The following SLC22A16 variants were observed in gnomAD, a reference collection of about 807,000 sequenced individuals.
The protein encoded by SLC22A16 is WUGSC:RG331P03.1.
SLC22A16 carries 53 observed loss-of-function variants against 52.9 expected under a neutral mutation model. That is an observed-to-expected ratio of 1.00 (90% CI 0.80 to 1.26). SLC22A16 has a LOEUF of 1.26. Ranked by LOEUF, SLC22A16 falls within the 50% of genes most tolerant of loss-of-function variation. The probability of loss-of-function intolerance (pLI) is 0.00; values close to 1 mark genes in which losing one functional copy is unlikely to be tolerated. For synonymous variants in SLC22A16, 291 were observed against 268.8 expected (o/e 1.08, Z -0.81); for missense variants, 726 against 704.0 (o/e 1.03, Z -0.35).
intron 3 of SLC22A16, among the ~76,000 whole-genome samples, chr6:110,444,841 G>A (rs1385703779): frequency 6.6e-6 from 1 of 152,194 alleles, no homozygotes; most frequent in African/African-American, 2.4e-5. Context: ...GGTAAGCGCT[G>A]CTGTTACATT....
rs1775677536 is a variant in SLC22A16, at chr6:110,456,826, T to C, written c.245A>G (p.Gln82Arg). The C allele has an allele frequency of 6.2e-7, 1 of 1,614,072 alleles. No homozygotes were observed. The highest frequency in any genetic ancestry group is 1.3e-5 in the African/African-American group (1 of 74,914). The change falls in exon 2 of 8, where the codon CAG (glutamine) becomes CGG (arginine). Residue 82 changes from glutamine (Q) to arginine (R), a missense_variant. By Grantham distance (43) the Gln-to-Arg change is conservative. Transcript: ENST00000368919. ...EDTGALLSSG[Q>R]KDYVTVQLQN... The stretch of plus-strand genomic sequence containing the variant: ...CAACTGCACCGTAACATAATCTTTC[T>C]GGCCTGAAGACAACAGGGCCCCGGT...
At chr6:110,458,984 C>G (rs942226652) in intron 1 of SLC22A16, among the ~76,000 whole-genome samples, 1 of 151,830 alleles carries the variant, frequency 6.6e-6, no homozygotes, top group South Asian at 2.1e-4. Flanking sequence ...TAATAAGTCT[C>G]ATATATGTGT....
intron 2 of SLC22A16, among the ~76,000 whole-genome samples, chr6:110,450,207 T>C (rs1484293910): frequency 2.0e-5 from 3 of 152,206 alleles, no homozygotes; most frequent in Admixed American, 2.0e-4. Flanking sequence ...GGCACAATAG[T>C]GTCTATCTCA....
intron 3 of SLC22A16, 68 bp from the exon 4 acceptor site, chr6:110,442,843 T>C (rs76453570): frequency 9.8e-6 from 14 of 1,434,756 alleles, no homozygotes; most frequent in East Asian, 6.9e-5. Flanking sequence ...TCTGACCCCA[T>C]TGCAAATCAC....
chr6:110,465,617 A>T (rs1408120446), intron 1 of SLC22A16, among the ~76,000 whole-genome samples: 1 of 152,176 alleles, frequency 6.6e-6, no homozygotes, highest in East Asian at 1.9e-4. Flanking sequence ...AGAACTACAA[A>T]ACACTAATGA....
chr6:110,427,843 A>G (rs1774330148), intron 7 of SLC22A16, among the ~76,000 whole-genome samples: 1 of 152,202 alleles, frequency 6.6e-6, no homozygotes, highest in African/African-American at 2.4e-5. Context: ...TGTATCTTTT[A>G]AATCACCATA....
At position 110,456,981 on chromosome 6, in the gene SLC22A16, C is replaced by A. The variant is rs1775686807; in HGVS notation, c.90G>T (p.Gln30His). Residue 30 changes from glutamine (Q) to histidine (H), a missense_variant, in exon 2 of 8, where the codon CAG becomes CAT. Gln to His is a conservative substitution (Grantham distance 24). Transcript: ENST00000368919. ...QRVLYFICAFQNISCGIHYLA... is the reference protein window; with the variant it reads ...QRVLYFICAFHNISCGIHYLA... ...AGTAGTGAATACCACAAGAGATGTT[C>A]TGGAAGGCACATATGAAATAGAGGA... 6.4e-7 allele frequency: 1 copy of A among 1,560,740 alleles called. No homozygotes were observed. Among genetic ancestry groups the A allele is most frequent in the Non-Finnish European group, 8.7e-7 (1 of 1,155,618 alleles).
intron 6 of SLC22A16, among the ~76,000 whole-genome samples, chr6:110,433,688 C>T (rs1009587390): frequency 6.6e-6 from 1 of 152,130 alleles, no homozygotes; most frequent in Non-Finnish European, 1.5e-5. Flanking sequence ...TTATTTGTTG[C>T]CATTAAGATT....
At chr6:110,438,921 C>T in intron 4 of SLC22A16, 74 bp from the exon 5 acceptor site, 1 of 1,581,696 alleles carries the variant, frequency 6.3e-7, no homozygotes. Context: ...TTCTAACCCA[C>T]TACCCAAAAG....
intron 6 of SLC22A16, among the ~76,000 whole-genome samples, chr6:110,434,693 G>A (rs1774648891): frequency 6.6e-6 from 1 of 152,126 alleles, no homozygotes; most frequent in Non-Finnish European, 1.5e-5. Flanking sequence ...AAAATCCCGA[G>A]TCTCGGCTAG....
rs965697077 is a variant in SLC22A16, at chr6:110,429,244, C to G, written c.1521+1927G>C. Among the ~76,000 whole-genome samples the G allele has an allele frequency of 1.8e-4, 28 of 152,196 alleles. 1 individual carries two copies. The highest frequency in any genetic ancestry group is 6.3e-4 in the African/African-American group (26 of 41,438). ...AGACTCCCCCAAAACACCTCCCACA[C>G]AGCCCACATGGTTTCTTAACCTCAG... is the stretch of plus-strand genomic sequence containing the variant. On this transcript the variant is annotated intron_variant, in intron 7 of 7. Transcript: ENST00000368919.
chr6:110,441,063 C>A (rs1416812708), intron 4 of SLC22A16, among the ~76,000 whole-genome samples: 4 of 152,076 alleles, frequency 2.6e-5, no homozygotes, highest in African/African-American at 9.7e-5. Context: ...GGGCACAAAG[C>A]CCCAAATAAA....
intron 7 of SLC22A16, among the ~76,000 whole-genome samples, chr6:110,430,588 A>G (rs761589): frequency 0.58 from 88,251 of 151,998 alleles, 27,798 homozygotes; most frequent in African/African-American, 0.83. Flanking sequence ...CAGGTGCAGC[A>G]GTGCTCACGT....
At chr6:110,470,368 C>T (rs1351311260) in intron 1 of SLC22A16, among the ~76,000 whole-genome samples, 1 of 152,204 alleles carries the variant, frequency 6.6e-6, no homozygotes, top group Non-Finnish European at 1.5e-5. Flanking sequence ...GCATGTTTAA[C>T]TTGCCTAAAG....
At chr6:110,472,759 C>G (rs1278910213) in intron 1 of SLC22A16, among the ~76,000 whole-genome samples, 1 of 152,128 alleles carries the variant, frequency 6.6e-6, no homozygotes, top group Non-Finnish European at 1.5e-5. Context: ...TCCACCAGGA[C>G]AACAGGCTTA....
chr6:110,425,989 T>C (rs1486842716), intron 7 of SLC22A16, among the ~76,000 whole-genome samples: 2 of 152,252 alleles, frequency 1.3e-5, no homozygotes, highest in African/African-American at 4.8e-5. Flanking sequence ...GGTATGTTTA[T>C]AGCCTCTGAA....
Position 110,440,549 on chromosome 6 carries a change from G to A in SLC22A16, c.1183+1695C>T, listed in dbSNP as rs200672161. Among the ~76,000 whole-genome samples, 16 of 152,300 alleles carry A rather than the reference G, an allele frequency of 1.1e-4. No individual in the cohort carries two copies. In the East Asian group the frequency reaches 2.5e-3, roughly 24 times the overall value. ...TCCCAGCACTCTGGGAGGCCAAGGC[G>A]GGTGGATCACCTGAGGTCAGGAGTT... On this transcript the variant is annotated intron_variant, in intron 4 of 7. Transcript: ENST00000368919.
intron 6 of SLC22A16, among the ~76,000 whole-genome samples, chr6:110,433,101 A>G (rs1774572384): frequency 6.6e-6 from 1 of 152,218 alleles, no homozygotes; most frequent in Admixed American, 6.5e-5. Context: ...GAGTGGTCTA[A>G]TAATAGCACT....
chr6:110,434,350 C>A (rs759938654), intron 6 of SLC22A16, among the ~76,000 whole-genome samples: 7 of 152,120 alleles, frequency 4.6e-5, no homozygotes, highest in Non-Finnish European at 8.8e-5. Flanking sequence ...CTGGTCTCAG[C>A]TGTCTTATCT....
Sources: gnomAD v4.1 joint callset for allele counts (sites outside exome capture counted in the v4.1 genomes callset) on GRCh38, gnomAD v4.1.1 for gene constraint, MANE v1.5 for transcripts, NCBI Gene and HGNC (gene_info 2026-07-23, HGNC 2026-07-21) for gene names.